NXPE4: variants seen among roughly 807,000 people sequenced by gnomAD.
The protein encoded by NXPE4 is neurexophilin and PC-esterase domain family member 4.
A neutral mutation model predicts 33.3 loss-of-function variants in NXPE4; 42 were observed. The observed-to-expected ratio is 1.26, with a 90% CI of 0.98 to 1.63. The LOEUF is 1.63. Ranked by LOEUF, NXPE4 falls within the 40% of genes most tolerant of loss-of-function variation. The probability of loss-of-function intolerance (pLI) is 0.00; values close to 1 mark genes in which losing one functional copy is unlikely to be tolerated. For synonymous variants in NXPE4, 253 were observed against 234.9 expected (o/e 1.08, Z -0.71); for missense variants, 709 against 647.6 (o/e 1.09, Z -1.03).
the NXPE4 span, among the ~76,000 whole-genome samples, chr11:114,623,686 C>T: frequency 6.6e-6 from 1 of 152,144 alleles, no homozygotes; most frequent in African/African-American, 2.4e-5. Flanking sequence ...TAAGCATTGC[C>T]TCGTGGGAAA....
the NXPE4 span, among the ~76,000 whole-genome samples, chr11:114,632,773 TA>T: frequency 1.5e-3 from 1 of 656 alleles, no homozygotes; most frequent in Non-Finnish European, 3.4e-3. Flanking sequence ...ATTATATAAT[TA>T]TATATTATAT....
the NXPE4 span, among the ~76,000 whole-genome samples, chr11:114,604,187 T>A: frequency 6.6e-6 from 1 of 152,070 alleles, no homozygotes; most frequent in Non-Finnish European, 1.5e-5. Context: ...TACTGTTACC[T>A]GGTGGATAAT....
At chr11:114,573,448 T>C (rs1948934341) in intron 5 of NXPE4, among the ~76,000 whole-genome samples, 1 of 138,616 alleles carries the variant, frequency 7.2e-6, no homozygotes, top group Admixed American at 7.3e-5. Flanking sequence ...GCCAAGTTTC[T>C]GCTGTCTTCA....
At chr11:114,656,643 A>G in the NXPE4 span, among the ~76,000 whole-genome samples, 1 of 151,934 alleles carries the variant, frequency 6.6e-6, no homozygotes, top group East Asian at 1.9e-4. Flanking sequence ...AAGTCTCAAG[A>G]CCCAAAATCA....
the NXPE4 span, among the ~76,000 whole-genome samples, chr11:114,619,862 T>A: frequency 6.7e-6 from 1 of 149,532 alleles, no homozygotes; most frequent in Admixed American, 6.7e-5. Context: ...ACCCGCTGGA[T>A]AACAAGTGTT....
rs1170319015 is a variant in NXPE4 at position 114,581,748 on chromosome 11, G to A, written c.869C>T (p.Thr290Ile). ...VGVEIMEKFN[T>I]ISVSKCNKET... is the part of the protein sequence containing the mutation. Reference sequence around the variant, plus strand: ...ACTGTTGCATTTGGAGACACTAATTGTATTGAATTTTTCCATAATCTCTAC... The same window carrying A: ...ACTGTTGCATTTGGAGACACTAATTATATTGAATTTTTCCATAATCTCTAC... Residue 290 changes from threonine to isoleucine, a missense_variant, in exon 4 of 6, where the codon ACA becomes ATA. Thr to Ile is a moderately conservative substitution (Grantham distance 89). Transcript: ENST00000375478. The A allele has an allele frequency of 1.2e-6, 2 of 1,611,878 alleles. No individual in the cohort carries two copies. Among genetic ancestry groups the A allele is most frequent in the Admixed American group, 1.7e-5 (1 of 59,672 alleles).
At chr11:114,675,811 A>G in the NXPE4 span, among the ~76,000 whole-genome samples, 2 of 151,968 alleles carry the variant, frequency 1.3e-5, no homozygotes, top group South Asian at 4.1e-4. Flanking sequence ...GACCAATAAT[A>G]TCAAAGCTGG....
chr11:114,663,579 TATCTATC>T, the NXPE4 span, among the ~76,000 whole-genome samples: 3 of 147,974 alleles, frequency 2.0e-5, no homozygotes, highest in African/African-American at 7.6e-5. Context: ...CTATCATCTC[TATCTATC>T]ATCTATCTAT....
the NXPE4 span, among the ~76,000 whole-genome samples, chr11:114,654,776 AAT>A: frequency 6.6e-6 from 1 of 152,264 alleles, no homozygotes; most frequent in African/African-American, 2.4e-5. Flanking sequence ...TGCTGCAATA[AAT>A]ATATGTGTGC....
the NXPE4 span, among the ~76,000 whole-genome samples, chr11:114,608,182 G>A: frequency 2.0e-5 from 3 of 151,630 alleles, no homozygotes; most frequent in Admixed American, 6.6e-5. Context: ...GTATTGCCTC[G>A]TGGGTAACCA....
chr11:114,639,467 G>C, the NXPE4 span, among the ~76,000 whole-genome samples: 3 of 151,456 alleles, frequency 2.0e-5, no homozygotes, highest in African/African-American at 7.3e-5. Context: ...ACGCTGCGCT[G>C]CCCCCACTGT....
At chr11:114,634,021 C>G in the NXPE4 span, among the ~76,000 whole-genome samples, 1 of 151,830 alleles carries the variant, frequency 6.6e-6, no homozygotes, top group Non-Finnish European at 1.5e-5. Context: ...AGTTCTAGAT[C>G]CCTGAGGATT....
At chr11:114,634,789 T>C in the NXPE4 span, among the ~76,000 whole-genome samples, 3 of 152,082 alleles carry the variant, frequency 2.0e-5, no homozygotes, top group African/African-American at 4.8e-5. Flanking sequence ...TGTGGCATTA[T>C]TTCTGAGGGC....
chr11:114,607,306 C>G, the NXPE4 span, among the ~76,000 whole-genome samples: 6 of 151,750 alleles, frequency 4.0e-5, no homozygotes, highest in African/African-American at 1.5e-4. Context: ...AGTATTGCCT[C>G]GTGGGTCACC....
the NXPE4 span, among the ~76,000 whole-genome samples, chr11:114,646,138 T>TGAGGTAATA: frequency 6.6e-6 from 1 of 152,114 alleles, no homozygotes; most frequent in Non-Finnish European, 1.5e-5. Flanking sequence ...TATGCTGGCC[T>TGAGGTAATA]GAGGTAATAG....
rs1949238095 is a variant in NXPE4, at chr11:114,584,445, G to C, written c.97-1424C>G. On this transcript the variant is annotated intron_variant, in intron 2 of 5. Transcript: ENST00000375478. Reference sequence around the variant, plus strand: ...CCCTCAAGAGGGTGGCGATGAGAATGAAGAAGACCCTGACAAGCTCATCTC... The same window carrying C: ...CCCTCAAGAGGGTGGCGATGAGAATCAAGAAGACCCTGACAAGCTCATCTC... 3 of 217,358 alleles carry C rather than the reference G, an allele frequency of 1.4e-5. No individual in the cohort carries two copies. In the South Asian group the frequency reaches 1.9e-4, roughly 14 times the overall value. 13.5% of individuals were successfully genotyped at this position (217,358 alleles called of 1,614,324 possible).
At chr11:114,616,060 G>C in the NXPE4 span, among the ~76,000 whole-genome samples, 1 of 151,676 alleles carries the variant, frequency 6.6e-6, no homozygotes, top group Admixed American at 6.6e-5. Flanking sequence ...AATAAGTATT[G>C]CCTCATGGGT....
At chr11:114,657,362 CACT>C in the NXPE4 span, among the ~76,000 whole-genome samples, 1 of 152,088 alleles carries the variant, frequency 6.6e-6, no homozygotes, top group South Asian at 2.1e-4. Flanking sequence ...CTTTATTTTT[CACT>C]AACATCTAAC....
the NXPE4 span, among the ~76,000 whole-genome samples, chr11:114,662,425 A>G: frequency 1.5e-3 from 221 of 152,302 alleles, no homozygotes; most frequent in African/African-American, 5.1e-3. Context: ...TGCAGGCTAA[A>G]GTGCTATAGG....
Sources: gnomAD v4.1 joint callset for allele counts (sites outside exome capture counted in the v4.1 genomes callset) on GRCh38, gnomAD v4.1.1 for gene constraint, MANE v1.5 for transcripts, NCBI Gene and HGNC (gene_info 2026-07-23, HGNC 2026-07-21) for gene names.